Variants in MED13L observed in about 807,000 individuals in gnomAD.
The protein encoded by MED13L is mediator complex subunit 13L.
A neutral mutation model predicts 220.9 loss-of-function variants in MED13L; 7 were observed. The ratio of observed to expected loss-of-function variants is 0.03; its 90% confidence interval spans 0.02 to 0.06. The LOEUF is 0.06. Among genes scored for constraint, MED13L ranks in the 10% least tolerant of loss-of-function variants. The probability of loss-of-function intolerance (pLI) is 1.00; values close to 1 mark genes in which losing one functional copy is unlikely to be tolerated. For synonymous variants in MED13L, 1,011 were observed against 1,015.2 expected (o/e 1.00, Z 0.08); for missense variants, 1,965 against 2,760.5 (o/e 0.71, Z 6.46).
chr12:116,032,013 C>T (rs555983212), intron 4 of MED13L, among the ~76,000 whole-genome samples: 2 of 152,062 alleles, frequency 1.3e-5, no homozygotes, highest in Admixed American at 1.3e-4. Context: ...AAAAATATAT[C>T]CCATTAGCAA....
chr12:116,145,414 T>A (rs956773159), intron 2 of MED13L, among the ~76,000 whole-genome samples: 1 of 152,160 alleles, frequency 6.6e-6, no homozygotes, highest in African/African-American at 2.4e-5. Flanking sequence ...TACCTTCCAG[T>A]ACTAAAATTC....
At position 115,983,190 on chromosome 12, in the gene MED13L, C is replaced by T. The variant is rs1877452103; in HGVS notation, c.4882G>A (p.Gly1628Arg). 6.2e-7 allele frequency: 1 copy of T among 1,614,068 alleles called. No homozygotes were observed. Among genetic ancestry groups the T allele is most frequent in the Non-Finnish European group, 8.5e-7 (1 of 1,180,020 alleles). ...GTGTCTCCACCACAGCCTATGTTCC[C>T]TTGCGTTCTATCCGCAGAAATGCCC... ...TGGISADRTQ[G>R]NIGCGGDTDP... Residue 1628 changes from glycine to arginine, a missense_variant, in exon 21 of 31, where the codon GGG (glycine) becomes AGG (arginine). This residue lies in a region of MED13L where 510 missense variants were observed against 620.4 expected (regional missense o/e 0.82). Coordinates refer to ENST00000281928, the MANE Select transcript of MED13L (RefSeq NM_015335.5).
chr12:116,141,869 C>T (rs1429349047), intron 2 of MED13L, among the ~76,000 whole-genome samples: 1 of 152,130 alleles, frequency 6.6e-6, no homozygotes, highest in Admixed American at 6.5e-5. Flanking sequence ...AAAGGTTCCA[C>T]TCTGGTCTTT....
At chr12:116,155,695 T>C (rs1187379365) in intron 2 of MED13L, among the ~76,000 whole-genome samples, 2 of 152,122 alleles carry the variant, frequency 1.3e-5, no homozygotes, top group East Asian at 1.9e-4. Context: ...AAAGAATGTA[T>C]GGTTCACACT....
At chr12:115,990,990 C>G in intron 17 of MED13L, 30 bp downstream of exon 17, 2 of 1,605,158 alleles carry the variant, frequency 1.2e-6, no homozygotes, top group South Asian at 1.1e-5. Flanking sequence ...AGATACTCCT[C>G]AAAGTAAATT....
chr12:116,227,195 T>C (rs935846986), intron 2 of MED13L, among the ~76,000 whole-genome samples: 4 of 152,156 alleles, frequency 2.6e-5, no homozygotes, highest in East Asian at 1.9e-4. Context: ...GCTTCACCAA[T>C]AGTTTTCCCA....
At chr12:115,970,523 G>A in intron 27 of MED13L, 71 bp downstream of exon 27, 1 of 1,507,282 alleles carries the variant, frequency 6.6e-7, no homozygotes, top group South Asian at 1.1e-5. Context: ...CCATGCGGCA[G>A]CCCAGTGATT....
intron 2 of MED13L, among the ~76,000 whole-genome samples, chr12:116,112,095 T>C (rs1208961225): frequency 6.6e-6 from 1 of 152,194 alleles, no homozygotes; most frequent in South Asian, 2.1e-4. Context: ...TTTTGGGAAG[T>C]ATCTTGTTTG....
intron 1 of MED13L, among the ~76,000 whole-genome samples, chr12:116,255,151 C>T (rs147352010): frequency 0.01 from 1,531 of 152,238 alleles, 12 homozygotes; most frequent in South Asian, 0.017. Flanking sequence ...TATAAAATTT[C>T]AGTAATCATC....
chr12:116,247,619 A>T (rs2138504345), intron 1 of MED13L, among the ~76,000 whole-genome samples: 1 of 152,234 alleles, frequency 6.6e-6, no homozygotes, highest in East Asian at 1.9e-4. Flanking sequence ...CTGACTGGTT[A>T]TTTCCATGTT....
chr12:116,171,866 T>G (rs1312183037), intron 2 of MED13L, among the ~76,000 whole-genome samples: 2 of 152,206 alleles, frequency 1.3e-5, no homozygotes, highest in African/African-American at 4.8e-5. Context: ...TCACATGTAT[T>G]CGTATTAAAT....
chr12:116,016,874 G>A (rs540202277), intron 7 of MED13L, among the ~76,000 whole-genome samples: 1 of 152,182 alleles, frequency 6.6e-6, no homozygotes, highest in African/African-American at 2.4e-5. Context: ...AATACTATTC[G>A]GCCCTCCTAA....
intron 2 of MED13L, among the ~76,000 whole-genome samples, chr12:116,231,276 TAATC>T (rs1218064801): frequency 2.6e-5 from 4 of 152,184 alleles, no homozygotes; most frequent in African/African-American, 9.7e-5. Flanking sequence ...GACACTACCT[TAATC>T]AAGGGATCAA....
At chr12:116,184,745 A>C (rs1880764082) in intron 2 of MED13L, among the ~76,000 whole-genome samples, 1 of 152,224 alleles carries the variant, frequency 6.6e-6, no homozygotes, top group Admixed American at 6.5e-5. Context: ...TTTAAATCAC[A>C]TATCTAAAAA....
Position 116,107,818 on chromosome 12 carries a change from G to A in MED13L, c.395+3610C>T, listed in dbSNP as rs534423173. Among the ~76,000 whole-genome samples the A allele has an allele frequency of 1.4e-4, 22 of 152,322 alleles. No individual in the cohort carries two copies. In the South Asian group the frequency reaches 3.7e-3, roughly 26 times the overall value. On this transcript the variant is annotated intron_variant, in intron 3 of 30. Coordinates refer to ENST00000281928, the MANE Select transcript of MED13L (RefSeq NM_015335.5). ...TTTAATATCCTCAGTTGGGCCGGGC[G>A]CCGTGGCTCATGCCTGCAATCCCAA...
intron 2 of MED13L, among the ~76,000 whole-genome samples, chr12:116,126,192 T>A: frequency 6.6e-6 from 1 of 152,218 alleles, no homozygotes; most frequent in Non-Finnish European, 1.5e-5. Context: ...GTTTCAACTC[T>A]ACAAGATTCC....
intron 29 of MED13L, among the ~76,000 whole-genome samples, chr12:115,964,100 C>G (rs1875967194): frequency 6.6e-6 from 1 of 151,818 alleles, no homozygotes; most frequent in Non-Finnish European, 1.5e-5. Flanking sequence ...AAAAAAGAAA[C>G]AAACAAACCA....
intron 3 of MED13L, among the ~76,000 whole-genome samples, chr12:116,100,444 C>A (rs1015484419): frequency 2.0e-5 from 3 of 151,438 alleles, no homozygotes; most frequent in Admixed American, 2.0e-4. Flanking sequence ...ACTAAAAATA[C>A]AAAAATTTAC....
chr12:116,141,800 G>A (rs965131840), intron 2 of MED13L, among the ~76,000 whole-genome samples: 1 of 152,042 alleles, frequency 6.6e-6, no homozygotes, highest in Non-Finnish European at 1.5e-5. Flanking sequence ...GGTTAAGTTA[G>A]CTCACTCATG....
Sources: allele counts gnomAD v4.1 joint callset (sites outside exome capture counted in the v4.1 genomes callset), GRCh38; gene constraint gnomAD v4.1.1; regional missense constraint gnomAD v4.1.1; transcripts MANE v1.5; gene names NCBI Gene and HGNC (gene_info 2026-07-23, HGNC 2026-07-21).